NUBPL: variants seen among roughly 807,000 people sequenced by gnomAD.
NUBPL encodes NUBP iron-sulfur cluster assembly factor, mitochondrial.
NUBPL carries 31 observed loss-of-function variants against 45.7 expected under a neutral mutation model. The ratio of observed to expected loss-of-function variants is 0.68; its 90% CI spans 0.51 to 0.92. The LOEUF is 0.92. Ranked by LOEUF, NUBPL falls within the 40% of genes least tolerant of loss-of-function variation. The pLI is 0.00. For synonymous variants in NUBPL, 144 were observed against 140.9 expected (o/e 1.02, Z -0.15); for missense variants, 401 against 398.7 (o/e 1.01, Z -0.05).
At chr14:31,634,815 T>A (rs916319017) in intron 4 of NUBPL, among the ~76,000 whole-genome samples, 7 of 150,978 alleles carry the variant, frequency 4.6e-5, no homozygotes, top group African/African-American at 1.7e-4. Flanking sequence ...ATTGTGGTTT[T>A]GATTTGCATT....
chr14:31,775,423 A>C (rs1298905232), intron 6 of NUBPL, among the ~76,000 whole-genome samples: 1 of 152,178 alleles, frequency 6.6e-6, no homozygotes, highest in East Asian at 1.9e-4. Flanking sequence ...CATCTCAAAA[A>C]AGCAAAACAA....
chr14:31,718,797 A>G (rs2037744078), intron 6 of NUBPL, among the ~76,000 whole-genome samples: 1 of 152,198 alleles, frequency 6.6e-6, no homozygotes, highest in Admixed American at 6.5e-5. Flanking sequence ...GTACATATAA[A>G]AAAGATTAGT....
rs558636671 is a variant in NUBPL at position 31,704,225 on chromosome 14, CAG to C, written c.513+30652_513+30653del. On this transcript the variant is annotated intron_variant, in intron 6 of 10. Transcript: ENST00000281081. Reference sequence around the variant, plus strand: ...AGTATCTATCCAGGTCCAAGGGAGACAGGGGCAGGATTTTGCCTTCTTCCTGT... The same window carrying C: ...AGTATCTATCCAGGTCCAAGGGAGACGGGCAGGATTTTGCCTTCTTCCTGT... 5.2e-3 allele frequency among the ~76,000 whole-genome samples: 799 copies of C among 152,256 alleles called. 3 individuals carry two copies. The highest frequency in any genetic ancestry group is 0.018 in the African/African-American group (744 of 41,528).
Position 31,736,887 on chromosome 14 carries a change from C to A in NUBPL, c.514-50893C>A, listed in dbSNP as rs571260170. 1.2e-4 allele frequency among the ~76,000 whole-genome samples: 18 copies of A among 152,252 alleles called. No homozygotes were observed. The East Asian group carries it at 2.1e-3, about 18-fold the overall frequency. On this transcript the variant is annotated intron_variant, in intron 6 of 10. Coordinates refer to ENST00000281081, the MANE Select transcript of NUBPL (RefSeq NM_025152.3). ...GGTTTATCTGTTTCTGTGATTCTTGCAGGTGTGTTTTGGTATCTCTTTGTG... is the reference window on the plus strand; with the variant it reads ...GGTTTATCTGTTTCTGTGATTCTTGAAGGTGTGTTTTGGTATCTCTTTGTG...
At chr14:31,647,674 C>G (rs2035893081) in intron 4 of NUBPL, among the ~76,000 whole-genome samples, 1 of 152,186 alleles carries the variant, frequency 6.6e-6, no homozygotes, top group Non-Finnish European at 1.5e-5. Context: ...GGTCCCACCT[C>G]CCCTCATTGC....
rs766742813 is a variant in NUBPL, at chr14:31,649,621, G to A, written c.383-23734G>A. Among the ~76,000 whole-genome samples the A allele has an allele frequency of 2.4e-4, 36 of 152,284 alleles. 1 individual carries two copies. Among genetic ancestry groups the A allele is most frequent in the Non-Finnish European group, 4.6e-4 (31 of 68,006 alleles). ...ATACAACTTTAAATATGTGATACAA[G>A]TAACCATTTTTGTATAATAAAGTCT... On this transcript the variant is annotated intron_variant, in intron 4 of 10. Transcript: ENST00000281081.
chr14:31,569,964 C>A (rs1298370981), intron 3 of NUBPL, among the ~76,000 whole-genome samples: 1 of 152,110 alleles, frequency 6.6e-6, no homozygotes, highest in Non-Finnish European at 1.5e-5. Flanking sequence ...TTTGGAAGAG[C>A]ACTGAGACTG....
chr14:31,734,181 G>A (rs1318189487), intron 6 of NUBPL, among the ~76,000 whole-genome samples: 1 of 151,984 alleles, frequency 6.6e-6, no homozygotes, highest in Non-Finnish European at 1.5e-5. Context: ...TATGTTCACG[G>A]GTGATGTTGT....
At chr14:31,686,737 G>A (rs1238687170) in intron 6 of NUBPL, 1 of 152,152 alleles carries the variant, frequency 6.6e-6, no homozygotes. Context: ...CCTTGTGCAG[G>A]GGCCATGCTA....
At chr14:31,566,529 A>G (rs867247412) in intron 3 of NUBPL, among the ~76,000 whole-genome samples, 1 of 151,558 alleles carries the variant, frequency 6.6e-6, no homozygotes, top group Non-Finnish European at 1.5e-5. Flanking sequence ...CTCTTTCTTG[A>G]ATTCTTTTTT....
At chr14:31,809,189 A>G (rs2039751134) in intron 7 of NUBPL, among the ~76,000 whole-genome samples, 1 of 152,188 alleles carries the variant, frequency 6.6e-6, no homozygotes, top group Non-Finnish European at 1.5e-5. Context: ...TTCAGAAGGA[A>G]TGGTACCAGC....
At chr14:31,648,884 C>T (rs2035925504) in intron 4 of NUBPL, among the ~76,000 whole-genome samples, 1 of 152,246 alleles carries the variant, frequency 6.6e-6, no homozygotes, top group African/African-American at 2.4e-5. Context: ...TCTTGGCTCA[C>T]TGCAACCTCC....
chr14:31,852,621 A>C (rs977380120), intron 10 of NUBPL, among the ~76,000 whole-genome samples: 9 of 152,218 alleles, frequency 5.9e-5, no homozygotes, highest in African/African-American at 2.2e-4. Context: ...CAGTAAGCCG[A>C]GGTCACGCCA....
intron 6 of NUBPL, among the ~76,000 whole-genome samples, chr14:31,751,275 A>G (rs1187262234): frequency 6.6e-6 from 1 of 152,256 alleles, no homozygotes; most frequent in Non-Finnish European, 1.5e-5. Flanking sequence ...TTATTCCAGC[A>G]TTAACTTAAA....
At chr14:31,600,857 G>T (rs957979296) in intron 4 of NUBPL, among the ~76,000 whole-genome samples, 1 of 151,264 alleles carries the variant, frequency 6.6e-6, no homozygotes, top group Non-Finnish European at 1.5e-5. Context: ...GTAATGCCTA[G>T]GTTTTCTTCT....
intron 4 of NUBPL, among the ~76,000 whole-genome samples, chr14:31,668,410 G>A (rs1015152312): frequency 3.9e-5 from 6 of 152,142 alleles, no homozygotes; most frequent in Admixed American, 6.5e-5. Context: ...GCCCCTCTCC[G>A]TGCCAAGCTC....
intron 4 of NUBPL, among the ~76,000 whole-genome samples, chr14:31,635,311 T>C (rs1595402389): frequency 6.6e-6 from 1 of 152,344 alleles, no homozygotes; most frequent in South Asian, 2.1e-4. Flanking sequence ...TACATATGGC[T>C]AGCCAGTTTT....
chr14:31,840,838 A>G (rs1022952235), intron 8 of NUBPL, among the ~76,000 whole-genome samples: 1 of 152,186 alleles, frequency 6.6e-6, no homozygotes, highest in Non-Finnish European at 1.5e-5. Context: ...GCATCCTAAA[A>G]ACTCCTGCCT....
chr14:31,622,540 C>T (rs955136572), intron 4 of NUBPL, among the ~76,000 whole-genome samples: 4 of 152,130 alleles, frequency 2.6e-5, no homozygotes, highest in African/African-American at 9.7e-5. Flanking sequence ...GATCCAGGCC[C>T]AGGACTCCAC....
Sources: gnomAD v4.1 joint callset for allele counts (sites outside exome capture counted in the v4.1 genomes callset) on GRCh38, gnomAD v4.1.1 for gene constraint, MANE v1.5 for transcripts, NCBI Gene and HGNC (gene_info 2026-07-23, HGNC 2026-07-21) for gene names.